BAZ1B: variants seen among roughly 807,000 people sequenced by gnomAD.
The protein encoded by BAZ1B is bromodomain adjacent to zinc finger domain 1B.
Under a neutral mutation model 153.8 loss-of-function variants are expected in BAZ1B, and 22 were observed. The ratio of observed to expected loss-of-function variants is 0.14; its 90% CI spans 0.10 to 0.20. The LOEUF (loss-of-function observed/expected upper bound fraction) is 0.20. Ranked by LOEUF, BAZ1B falls within the 10% of genes least tolerant of loss-of-function variation. The pLI, the probability that BAZ1B is intolerant of heterozygous loss-of-function variation, is 1.00. For missense variants in BAZ1B, 1,325 were observed against 1,799.3 expected, an observed-to-expected ratio of 0.74 and a Z score of 4.77; for synonymous variants, 676 against 633.4, an observed-to-expected ratio of 1.07 and a Z score of -1.01.
chr7:73,481,531 A>G (rs925717140), intron 6 of BAZ1B, among the ~76,000 whole-genome samples: 29 of 151,610 alleles, frequency 1.9e-4, no homozygotes, highest in Non-Finnish European at 3.8e-4. Flanking sequence ...AAAAAAAAAA[A>G]AAGATTTAAA....
rs542009172 is a variant in BAZ1B, at chr7:73,521,734, C to G, written c.107+93G>C. 5.5e-5 allele frequency: 61 copies of G among 1,100,234 alleles called. No homozygotes were observed. In the African/African-American group the frequency reaches 1.0e-3, roughly 18 times the overall value. The allele number at this position is 1,100,234 out of a possible 1,614,324, so 68.2% of individuals were successfully genotyped here. On this transcript the variant is annotated intron_variant, in intron 1 of 19. Transcript: ENST00000339594. ...GGGGCGCGCTGACAGCTGCCCCGGG[C>G]CGGGGATGCGCGGCTGACCTGGTCT...
At chr7:73,505,883 C>G (rs782580988) in intron 3 of BAZ1B, among the ~76,000 whole-genome samples, 4 of 152,154 alleles carry the variant, frequency 2.6e-5, no homozygotes, top group Non-Finnish European at 5.9e-5. Context: ...AAGTATCACA[C>G]CAAAGTTTGA....
intron 7 of BAZ1B, among the ~76,000 whole-genome samples, chr7:73,475,911 G>A (rs181981038): frequency 0.044 from 5,968 of 135,006 alleles, 155 homozygotes; most frequent in Non-Finnish European, 0.066. Context: ...GTGACAGAGC[G>A]AGACTCCATC....
chr7:73,507,411 T>C (rs1185861077), intron 3 of BAZ1B: 4 of 152,078 alleles, frequency 2.6e-5, no homozygotes, highest in Admixed American at 2.6e-4. Context: ...TAGTCAGGCA[T>C]GGTGGCGCAC....
chr7:73,498,293 G>T (rs1789996546), intron 4 of BAZ1B, among the ~76,000 whole-genome samples: 1 of 152,066 alleles, frequency 6.6e-6, no homozygotes, highest in African/African-American at 2.4e-5. Context: ...TAGAGGAAAC[G>T]ACTTCCCAAT....
Position 73,495,406 on chromosome 7 carries a change from T to G in BAZ1B, c.572-2485A>C, listed in dbSNP as rs375598672. ...TACAAACAGTTAAGAATTCAAACTGTGCCATGAATAGCATATAACATTACA... is the reference window on the plus strand; with the variant it reads ...TACAAACAGTTAAGAATTCAAACTGGGCCATGAATAGCATATAACATTACA... On this transcript the variant is annotated intron_variant, in intron 4 of 19. Transcript: ENST00000339594. Among the ~76,000 whole-genome samples, 44 of 152,252 alleles carry G rather than the reference T, an allele frequency of 2.9e-4. No homozygotes were observed. The East Asian group carries it at 6.2e-3, about 21-fold the overall frequency.
chr7:73,500,374 C>CA (rs1308978214), intron 3 of BAZ1B, among the ~76,000 whole-genome samples: 5 of 151,324 alleles, frequency 3.3e-5, no homozygotes, highest in Non-Finnish European at 5.9e-5. Flanking sequence ...CTCATCTCTA[C>CA]AAAAAACACA....
rs139742468 is a variant in BAZ1B, at chr7:73,442,386, C to T, written c.4262G>A (p.Arg1421His). ...VFTNAEVYNC[R>H]GSHVLSCMVK... ...CATGCAGCTTAGCACATGGCTGCCACGGCAGTTGTAAACCTCAGCATTGGT... is the reference window on the plus strand; with the variant it reads ...CATGCAGCTTAGCACATGGCTGCCATGGCAGTTGTAAACCTCAGCATTGGT... Residue 1421 changes from arginine to histidine, a missense_variant, in exon 19 of 20, where the codon CGT becomes CAT. Arg to His is a conservative substitution (Grantham distance 29). Coordinates refer to ENST00000339594, the MANE Select transcript of BAZ1B (RefSeq NM_032408.4). The T allele has an allele frequency of 6.1e-5, 99 of 1,614,134 alleles. No homozygotes were observed. The East Asian group carries it at 1.5e-3, about 25-fold the overall frequency.
At chr7:73,473,092 C>T (rs1451383697) in intron 7 of BAZ1B, among the ~76,000 whole-genome samples, 3 of 152,130 alleles carry the variant, frequency 2.0e-5, no homozygotes, top group African/African-American at 7.2e-5. Context: ...CAGGCATGCG[C>T]CACCATGCCA....
Position 73,442,462 on chromosome 7 carries a change from C to T in BAZ1B, c.4186G>A (p.Gly1396Arg). Reference protein sequence around the residue: ...FQTVQNKCSCGSYRSVQEFLT... With the variant: ...FQTVQNKCSCRSYRSVQEFLT... Reference sequence around the variant, plus strand: ...AACTCCTGCACAGAGCGGTAGCTCCCACAGGAACATTTGTTCTGCACTGTC... The same window carrying T: ...AACTCCTGCACAGAGCGGTAGCTCCTACAGGAACATTTGTTCTGCACTGTC... Residue 1396 changes from glycine (G) to arginine (R), a missense_variant, in exon 19 of 20, where the codon GGG (glycine) becomes AGG (arginine). This residue lies in a region of BAZ1B where 271 missense variants were observed against 337.2 expected (regional missense o/e 0.80). Coordinates refer to ENST00000339594, the MANE Select transcript of BAZ1B (RefSeq NM_032408.4). 1 of 1,614,212 alleles carries T rather than the reference C, an allele frequency of 6.2e-7. No homozygotes were observed. The highest frequency in any genetic ancestry group is 8.5e-7 in the Non-Finnish European group (1 of 1,180,046).
intron 17 of BAZ1B, 59 bp from the exon 18 acceptor site, chr7:73,442,887 G>T: frequency 7.6e-7 from 1 of 1,317,460 alleles, no homozygotes. Flanking sequence ...AGAATGGACA[G>T]GGCAGAAAAT....
At chr7:73,515,559 G>A (rs1003368918) in intron 1 of BAZ1B, among the ~76,000 whole-genome samples, 4 of 120,688 alleles carry the variant, frequency 3.3e-5, no homozygotes, top group African/African-American at 1.3e-4. Flanking sequence ...TTTTTTTGAA[G>A]CAGGGTCTTG....
intron 3 of BAZ1B, 99 bp downstream of exon 3, chr7:73,508,228 A>G: frequency 3.1e-6 from 4 of 1,274,188 alleles, no homozygotes; most frequent in Non-Finnish European, 4.3e-6. Context: ...ATAATACTAA[A>G]TATAACACAG....
chr7:73,462,603 C>T (rs1554570552), intron 12 of BAZ1B: 1 of 313,288 alleles, frequency 3.2e-6, no homozygotes, highest in Non-Finnish European at 6.1e-6. Context: ...CCTGAAAGCA[C>T]AGGCATCGCA....
chr7:73,472,551 G>A (rs1255503307), intron 7 of BAZ1B, among the ~76,000 whole-genome samples: 2 of 152,066 alleles, frequency 1.3e-5, no homozygotes, highest in Non-Finnish European at 2.9e-5. Context: ...GAGCCACTGC[G>A]CCCGGCCGCA....
intron 1 of BAZ1B, among the ~76,000 whole-genome samples, chr7:73,521,254 T>C (rs1554580132): frequency 1.3e-5 from 2 of 152,150 alleles, no homozygotes; most frequent in East Asian, 3.9e-4. Flanking sequence ...TTCCTAGTTT[T>C]CTGCCCCAGG....
At chr7:73,456,770 C>T (rs904788291) in intron 13 of BAZ1B, among the ~76,000 whole-genome samples, 3 of 151,316 alleles carry the variant, frequency 2.0e-5, no homozygotes, top group Non-Finnish European at 2.9e-5. Flanking sequence ...GGTGAAACCA[C>T]GTCTCTACTA....
At chr7:73,474,825 T>C (rs1788940522) in intron 7 of BAZ1B, among the ~76,000 whole-genome samples, 1 of 152,186 alleles carries the variant, frequency 6.6e-6, no homozygotes, top group African/African-American at 2.4e-5. Context: ...AAAATATTTG[T>C]AGACCAGGTA....
intron 3 of BAZ1B, among the ~76,000 whole-genome samples, chr7:73,502,363 T>C (rs781958635): frequency 9.7e-4 from 147 of 152,088 alleles, no homozygotes; most frequent in Non-Finnish European, 1.8e-3. Flanking sequence ...TCTACTTTTT[T>C]TTTTATCACA....
Sources: allele counts gnomAD v4.1 joint callset (sites outside exome capture counted in the v4.1 genomes callset), GRCh38; gene constraint gnomAD v4.1.1; regional missense constraint gnomAD v4.1.1; transcripts MANE v1.5; gene names NCBI Gene and HGNC (gene_info 2026-07-23, HGNC 2026-07-21).